The following CYP2J2 variants were observed in gnomAD, a reference collection of about 807,000 sequenced individuals.
CYP2J2 encodes cytochrome P450 family 2 subfamily J member 2.
A neutral mutation model predicts 48.8 loss-of-function variants in CYP2J2; 41 were observed. The observed-to-expected ratio is 0.84, with a 90% CI of 0.66 to 1.09. CYP2J2 has a LOEUF of 1.09. Ranked by LOEUF, CYP2J2 falls within the 50% of genes least tolerant of loss-of-function variation. The pLI is 0.00. For missense variants in CYP2J2, 644 were observed against 617.3 expected (o/e 1.04, Z -0.46); for synonymous variants, 221 against 227.1 (o/e 0.97, Z 0.24).
the CYP2J2 span, among the ~76,000 whole-genome samples, chr1:59,951,878 C>T: frequency 1.3e-5 from 2 of 152,056 alleles, no homozygotes; most frequent in African/African-American, 4.8e-5. Context: ...TGTTTTTGAC[C>T]CTATTGCCCT....
At chr1:59,950,277 G>A in the CYP2J2 span, among the ~76,000 whole-genome samples, 1 of 152,132 alleles carries the variant, frequency 6.6e-6, no homozygotes, top group African/African-American at 2.4e-5. Flanking sequence ...CCCTAAGTAG[G>A]TACAGGTACA....
At chr1:59,945,625 C>A in the CYP2J2 span, among the ~76,000 whole-genome samples, 3 of 152,126 alleles carry the variant, frequency 2.0e-5, no homozygotes, top group South Asian at 6.2e-4. Flanking sequence ...TCCCAATTTC[C>A]TTTTCTTCAG....
chr1:59,940,365 C>T, the CYP2J2 span, among the ~76,000 whole-genome samples: 1 of 152,192 alleles, frequency 6.6e-6, no homozygotes, highest in African/African-American at 2.4e-5. Flanking sequence ...GAAAAGTCAT[C>T]TGGTAGCTAA....
intron 6 of CYP2J2, among the ~76,000 whole-genome samples, chr1:59,905,692 G>C (rs1372379611): frequency 6.6e-6 from 1 of 152,150 alleles, no homozygotes; most frequent in Non-Finnish European, 1.5e-5. Context: ...TTCCTTATTT[G>C]ATTAGTGAGG....
At position 59,907,852 on chromosome 1, in the gene CYP2J2, T is replaced by C; in HGVS notation, c.937A>G (p.Thr313Ala). Reference protein sequence around the residue: ...CSTLDLFFAGTETTSTTLRWA... With the variant: ...CSTLDLFFAGAETTSTTLRWA... ...CGCAGAGTTGTGGAAGTTGTCTCGG[T>C]TCCGGCAAAGAAGAGGTCCAGGGTG... is the stretch of plus-strand genomic sequence containing the variant. The change falls in exon 6 of 9, where the codon ACC (threonine) becomes GCC (alanine). Residue 313 changes from threonine to alanine, a missense_variant. Coordinates refer to ENST00000371204, the MANE Select transcript of CYP2J2 (RefSeq NM_000775.4). 5 of 1,614,098 alleles carry C rather than the reference T, an allele frequency of 3.1e-6. No homozygotes were observed. In the South Asian group the frequency reaches 5.5e-5, roughly 18 times the overall value.
chr1:59,954,788 A>T, the CYP2J2 span, among the ~76,000 whole-genome samples: 1 of 152,148 alleles, frequency 6.6e-6, no homozygotes, highest in Non-Finnish European at 1.5e-5. Flanking sequence ...GCATGAAGAA[A>T]TCAAGTGAAG....
the CYP2J2 span, among the ~76,000 whole-genome samples, chr1:59,941,275 A>G: frequency 6.6e-6 from 1 of 152,162 alleles, no homozygotes; most frequent in East Asian, 1.9e-4. Context: ...GTGGTCCCAT[A>G]CAGTTATAGT....
the CYP2J2 span, among the ~76,000 whole-genome samples, chr1:59,937,540 G>T: frequency 2.0e-5 from 3 of 152,120 alleles, no homozygotes; most frequent in East Asian, 5.8e-4. Flanking sequence ...TCTTCTTTGG[G>T]TTAAATCTGC....
At chr1:59,933,131 C>A in the CYP2J2 span, among the ~76,000 whole-genome samples, 2 of 152,088 alleles carry the variant, frequency 1.3e-5, no homozygotes, top group African/African-American at 4.8e-5. Flanking sequence ...ACTTGCACTA[C>A]CCATAAAGCA....
chr1:59,917,214 G>C (rs962790935), intron 1 of CYP2J2, among the ~76,000 whole-genome samples: 3 of 152,226 alleles, frequency 2.0e-5, no homozygotes, highest in African/African-American at 7.2e-5. Flanking sequence ...TTGTTTTCTT[G>C]TTCCAGGCGC....
intron 1 of CYP2J2, among the ~76,000 whole-genome samples, chr1:59,920,849 TC>T (rs1289282135): frequency 6.6e-6 from 1 of 152,150 alleles, no homozygotes; most frequent in East Asian, 1.9e-4. Context: ...CTTTATTAGT[TC>T]CCATGTTTAG....
chr1:59,931,912 T>A, the CYP2J2 span, among the ~76,000 whole-genome samples: 1 of 152,172 alleles, frequency 6.6e-6, no homozygotes, highest in Admixed American at 6.5e-5. Context: ...AAAATTTCTA[T>A]TAGTGATCTT....
chr1:59,963,379 C>T, the CYP2J2 span, among the ~76,000 whole-genome samples: 1 of 152,154 alleles, frequency 6.6e-6, no homozygotes, highest in Non-Finnish European at 1.5e-5. Context: ...CTTTGGGTAA[C>T]CTCTAATCAA....
intron 1 of CYP2J2, among the ~76,000 whole-genome samples, chr1:59,925,325 C>T (rs1018574448): frequency 2.6e-5 from 4 of 152,284 alleles, no homozygotes; most frequent in Admixed American, 2.6e-4. Context: ...TCAATTACTT[C>T]ACCCAACAAT....
chr1:59,920,184 AC>A (rs1381328695), intron 1 of CYP2J2, among the ~76,000 whole-genome samples: 2 of 151,466 alleles, frequency 1.3e-5, no homozygotes, highest in Non-Finnish European at 2.9e-5. Flanking sequence ...AAACAGACAA[AC>A]AAAAACCAAC....
chr1:59,955,253 C>CATATATATATATCCAT, the CYP2J2 span, among the ~76,000 whole-genome samples: 1,134 of 108,016 alleles, frequency 0.01, 44 homozygotes, highest in African/African-American at 0.058. Flanking sequence ...TATATATATC[C>CATATATATATATCCAT]ATATATATAT....
In CYP2J2 at chr1:59,909,805, A is replaced by G. The variant is rs1644395867; in HGVS notation, c.840T>C (p.Ala280=). The change falls in exon 5 of 9, where the codon GCT becomes GCC. Residue 280 remains alanine, a synonymous_variant. Coordinates refer to ENST00000371204, the MANE Select transcript of CYP2J2 (RefSeq NM_000775.4). ...NPAETRDFID[A]YLKEMSKHTG... is the part of the protein sequence containing the mutation. ...TCACCTTTGACATTTCTTTAAGGTA[A>G]GCATCAATAAAGTCTCTTGTTTCTG... is the stretch of plus-strand genomic sequence containing the variant. The G allele has an allele frequency of 6.3e-7, 1 of 1,590,304 alleles. No individual in the cohort carries two copies. Among genetic ancestry groups the G allele is most frequent in the Non-Finnish European group, 8.5e-7 (1 of 1,173,228 alleles).
intron 7 of CYP2J2, 142 bp from the exon 8 acceptor site, chr1:59,901,245 G>A (rs573709063): frequency 1.3e-5 from 10 of 755,602 alleles, no homozygotes; most frequent in Non-Finnish European, 2.1e-5. Flanking sequence ...ACAGTCTCCT[G>A]TGTCCCCCAA....
chr1:59,934,270 A>T, the CYP2J2 span, among the ~76,000 whole-genome samples: 7 of 152,158 alleles, frequency 4.6e-5, no homozygotes, highest in African/African-American at 1.7e-4. Context: ...ATGACGTGAA[A>T]CCCTAAAGCT....
Sources: allele counts gnomAD v4.1 joint callset (sites outside exome capture counted in the v4.1 genomes callset), GRCh38; gene constraint gnomAD v4.1.1; transcripts MANE v1.5; gene names NCBI Gene and HGNC (gene_info 2026-07-23, HGNC 2026-07-21).